The following CHST9 variants were observed in gnomAD, a reference collection of about 807,000 sequenced individuals.
CHST9 encodes the protein GalNAc-4-sulfotransferase 2.
In CHST9, 41 loss-of-function variants were observed where a neutral mutation model predicts 44.4. The observed-to-expected ratio is 0.92, with a 90% CI of 0.72 to 1.20. The LOEUF (loss-of-function observed/expected upper bound fraction) is 1.20. Among genes scored for constraint, CHST9 ranks in the 50% most tolerant of loss-of-function variants. CHST9 has a pLI of 0.00. For synonymous variants in CHST9, 171 were observed against 178.4 expected (o/e 0.96, Z 0.33); for missense variants, 504 against 516.5 (o/e 0.98, Z 0.23).
intron 2 of CHST9, among the ~76,000 whole-genome samples, chr18:27,109,113 TTG>T (rs1169662004): frequency 1.3e-5 from 2 of 152,312 alleles, no homozygotes; most frequent in South Asian, 2.1e-4. Flanking sequence ...TAGATGCCTG[TTG>T]TGTTTCTAAC....
At chr18:27,157,299 C>A (rs1258500556) in intron 1 of CHST9, among the ~76,000 whole-genome samples, 1 of 152,060 alleles carries the variant, frequency 6.6e-6, no homozygotes, top group Non-Finnish European at 1.5e-5. Context: ...CAGTAAAATT[C>A]AATGGCTAAC....
chr18:26,972,897 T>C (rs754938818), intron 4 of CHST9, among the ~76,000 whole-genome samples: 2 of 152,124 alleles, frequency 1.3e-5, no homozygotes, highest in Admixed American at 1.3e-4. Flanking sequence ...ATCCAGTTTC[T>C]TCCCACGACC....
At chr18:26,981,907 G>A (rs1006395277) in intron 4 of CHST9, among the ~76,000 whole-genome samples, 3 of 152,000 alleles carry the variant, frequency 2.0e-5, no homozygotes, top group Non-Finnish European at 1.5e-5. Flanking sequence ...CAGCTCTCTC[G>A]ATCAGCTGCA....
chr18:26,962,272 C>T (rs2056409909), intron 4 of CHST9, among the ~76,000 whole-genome samples: 1 of 150,280 alleles, frequency 6.7e-6, no homozygotes, highest in Non-Finnish European at 1.5e-5. Flanking sequence ...TCCCTCTACT[C>T]CTATCCCAAA....
chr18:27,011,392 G>A (rs1320415085), intron 4 of CHST9, among the ~76,000 whole-genome samples: 5 of 152,130 alleles, frequency 3.3e-5, no homozygotes, highest in Admixed American at 6.5e-5. Context: ...GGCCGTGAGC[G>A]GAAGGTAAGG....
At chr18:27,042,866 A>T (rs1378785879) in intron 3 of CHST9, among the ~76,000 whole-genome samples, 1 of 151,264 alleles carries the variant, frequency 6.6e-6, no homozygotes, top group East Asian at 2.0e-4. Context: ...TGAAAGAACA[A>T]GTCTGCATTT....
intron 3 of CHST9, among the ~76,000 whole-genome samples, chr18:27,030,964 AGATTT>A (rs1165185408): frequency 6.6e-6 from 1 of 152,136 alleles, no homozygotes; most frequent in African/African-American, 2.4e-5. Context: ...GCAATCATCA[AGATTT>A]TCCTGTTTAT....
chr18:26,979,296 A>G (rs563878945), intron 4 of CHST9, among the ~76,000 whole-genome samples: 1 of 152,306 alleles, frequency 6.6e-6, no homozygotes, highest in Admixed American at 6.5e-5. Context: ...TGAGAAAAAC[A>G]TCACCCATAA....
At chr18:27,154,262 AT>A (rs1330434723) in intron 1 of CHST9, among the ~76,000 whole-genome samples, 2 of 152,160 alleles carry the variant, frequency 1.3e-5, no homozygotes, top group East Asian at 3.8e-4. Flanking sequence ...TACTCTAAGC[AT>A]TTTATATTGA....
At chr18:26,971,756 C>T (rs771604983) in intron 4 of CHST9, among the ~76,000 whole-genome samples, 2 of 152,094 alleles carry the variant, frequency 1.3e-5, no homozygotes, top group African/African-American at 4.8e-5. Flanking sequence ...ACGCCCAGCT[C>T]GGGGGGCGGG....
At chr18:27,112,395 C>T (rs1467894194) in intron 2 of CHST9, among the ~76,000 whole-genome samples, 1 of 151,514 alleles carries the variant, frequency 6.6e-6, no homozygotes, top group Admixed American at 6.6e-5. Context: ...GTTTTATATA[C>T]ACCTTATAAA....
At chr18:27,171,243 C>A (rs1275646035) in intron 1 of CHST9, among the ~76,000 whole-genome samples, 3 of 152,072 alleles carry the variant, frequency 2.0e-5, no homozygotes, top group Non-Finnish European at 2.9e-5. Context: ...GGAAAACAAT[C>A]AAAAAGTGGC....
At position 27,183,392 on chromosome 18, in the gene CHST9, G is replaced by C. The variant is rs111651006; in HGVS notation, c.-97+1744C>G. Among the ~76,000 whole-genome samples, 14 of 151,964 alleles carry C rather than the reference G, an allele frequency of 9.2e-5. 1 individual carries two copies. Among genetic ancestry groups the C allele is most frequent in the African/African-American group, 3.4e-4 (14 of 41,248 alleles). ...GTAAGTGAGTGGGAGAGAACAGATG[G>C]TTGGTAATGATTTAAAACATTTATG... On this transcript the variant is annotated intron_variant, in intron 1 of 5. Coordinates refer to ENST00000618847, the MANE Select transcript of CHST9 (RefSeq NM_031422.6).
intron 1 of CHST9, among the ~76,000 whole-genome samples, chr18:27,164,401 T>G (rs2058774010): frequency 6.7e-6 from 1 of 149,836 alleles, no homozygotes; most frequent in Non-Finnish European, 1.5e-5. Flanking sequence ...TTAAGGTGAT[T>G]CTTAGAAAGT....
At chr18:27,149,667 A>G (rs1289739086) in intron 1 of CHST9, among the ~76,000 whole-genome samples, 1 of 149,906 alleles carries the variant, frequency 6.7e-6, no homozygotes, top group African/African-American at 2.5e-5. Context: ...GCCTTTCAAT[A>G]TACCTCACAA....
chr18:27,044,146 C>A lies in CHST9; in HGVS notation c.160+4319G>T, dbSNP rs114570930. 9.2e-3 allele frequency among the ~76,000 whole-genome samples: 1,398 copies of A among 152,066 alleles called. 19 individuals carry two copies. The highest frequency in any genetic ancestry group is 0.032 in the African/African-American group (1,339 of 41,498). ...GTCTCGCCTCTTCCAGGAAGCCCTCCCTGAAATTCCTCATGATACCTTGTA... is the reference window on the plus strand; with the variant it reads ...GTCTCGCCTCTTCCAGGAAGCCCTCACTGAAATTCCTCATGATACCTTGTA... On this transcript the variant is annotated intron_variant, in intron 3 of 5. Transcript: ENST00000618847.
intron 1 of CHST9, among the ~76,000 whole-genome samples, chr18:27,180,683 C>T (rs1387944013): frequency 6.6e-6 from 1 of 152,112 alleles, no homozygotes; most frequent in Non-Finnish European, 1.5e-5. Flanking sequence ...ACCAGTGTGG[C>T]CTTTAGCAGT....
rs572931916 is a variant in CHST9, at chr18:26,929,404, C to G, written c.241-12054G>C. Among the ~76,000 whole-genome samples, 5 of 152,326 alleles carry G rather than the reference C, an allele frequency of 3.3e-5. No homozygotes were observed. The South Asian group carries it at 1.0e-3, about 32-fold the overall frequency. Reference sequence around the variant, plus strand: ...ATAAAGTACCTAGTACAGTACCTGACATATAGTGTCTGCCATATAGTAGGT... The same window carrying G: ...ATAAAGTACCTAGTACAGTACCTGAGATATAGTGTCTGCCATATAGTAGGT... On this transcript the variant is annotated intron_variant, in intron 5 of 5. Coordinates refer to ENST00000618847, the MANE Select transcript of CHST9 (RefSeq NM_031422.6).
In CHST9 at chr18:27,053,288, G is replaced by GAAGGAGAAGGAGAAGGAC. The variant is rs1555679866; in HGVS notation, c.122-4786_122-4785insGTCCTTCTCCTTCTCCTT. ...AGAAGGAGAAGGAGAAGGAGAAGGA[G>GAAGGAGAAGGAGAAGGAC]AAGGAGAAGGAGAAGGAGAAGGAGA... On this transcript the variant is annotated intron_variant, in intron 2 of 5. Coordinates refer to ENST00000618847, the MANE Select transcript of CHST9 (RefSeq NM_031422.6). Among the ~76,000 whole-genome samples, 142 of 125,290 alleles carry GAAGGAGAAGGAGAAGGAC rather than the reference G, an allele frequency of 1.1e-3. 8 individuals carry two copies. Among genetic ancestry groups the GAAGGAGAAGGAGAAGGAC allele is most frequent in the East Asian group, 4.0e-3 (15 of 3,734 alleles). 82.2% of individuals were successfully genotyped at this position (125,290 alleles called of 152,430 possible). A position where few individuals can be genotyped will look rare whatever the true frequency, so the allele number is the denominator to read the frequency against.
Sources: gnomAD v4.1 joint callset for allele counts (sites outside exome capture counted in the v4.1 genomes callset) on GRCh38, gnomAD v4.1.1 for gene constraint, MANE v1.5 for transcripts, NCBI Gene and HGNC (gene_info 2026-07-23, HGNC 2026-07-21) for gene names.